NRG3: variants seen among roughly 807,000 people sequenced by gnomAD.
NRG3 encodes pro-neuregulin-3, membrane-bound isoform.
NRG3 carries 31 observed loss-of-function variants against 66.9 expected under a neutral mutation model. The ratio of observed to expected loss-of-function variants is 0.46; its 90% confidence interval spans 0.35 to 0.63. The LOEUF (loss-of-function observed/expected upper bound fraction) is 0.63, where lower values mean the gene tolerates loss of function less well. Among genes scored for constraint, NRG3 ranks in the 20% least tolerant of loss-of-function variants. NRG3 has a pLI of 0.00. For synonymous variants in NRG3, 393 were observed against 359.4 expected (o/e 1.09, Z -1.06); for missense variants, 910 against 878.9 (o/e 1.04, Z -0.45).
chr10:82,517,440 A>G (rs1202068282), intron 2 of NRG3, among the ~76,000 whole-genome samples: 3 of 152,154 alleles, frequency 2.0e-5, no homozygotes, highest in African/African-American at 7.2e-5. Flanking sequence ...TGTCCAAAGG[A>G]TGTTGCCTTA....
chr10:82,938,444 C>T (rs573722242), intron 4 of NRG3, among the ~76,000 whole-genome samples: 12 of 152,332 alleles, frequency 7.9e-5, no homozygotes, highest in Middle Eastern at 3.4e-3. Context: ...CCACCTGACT[C>T]GAGACAGCTC....
chr10:81,925,001 T>C (rs1846633247), intron 1 of NRG3, among the ~76,000 whole-genome samples: 1 of 152,192 alleles, frequency 6.6e-6, no homozygotes, highest in Admixed American at 6.5e-5. Context: ...TTCCTTTCAG[T>C]CCTATGCTCT....
At chr10:82,307,954 G>A (rs1463137636) in intron 1 of NRG3, among the ~76,000 whole-genome samples, 1 of 151,700 alleles carries the variant, frequency 6.6e-6, no homozygotes, top group East Asian at 1.9e-4. Context: ...TAAACATTTG[G>A]ATACTTTTGC....
chr10:82,474,476 A>C (rs1429738196), intron 2 of NRG3, among the ~76,000 whole-genome samples: 14 of 152,196 alleles, frequency 9.2e-5, no homozygotes, highest in African/African-American at 2.4e-5. Context: ...ACAACTGAAA[A>C]TTTCACTAGA....
chr10:82,519,664 T>C (rs532288012), intron 2 of NRG3, among the ~76,000 whole-genome samples: 1 of 152,314 alleles, frequency 6.6e-6, no homozygotes, highest in African/African-American at 2.4e-5. Context: ...CAAAAGGACC[T>C]TGCTTAACAC....
At chr10:82,094,411 A>G (rs1471798739) in intron 1 of NRG3, among the ~76,000 whole-genome samples, 1 of 152,204 alleles carries the variant, frequency 6.6e-6, no homozygotes, top group East Asian at 1.9e-4. Context: ...AATTAGCACA[A>G]TCTCTATGGT....
intron 4 of NRG3, among the ~76,000 whole-genome samples, chr10:82,877,100 C>T (rs1322116246): frequency 2.0e-5 from 3 of 151,714 alleles, no homozygotes; most frequent in Non-Finnish European, 2.9e-5. Context: ...ATATCCAATT[C>T]TGCCTTACAG....
At chr10:82,691,056 C>A (rs1429278574) in intron 2 of NRG3, among the ~76,000 whole-genome samples, 1 of 152,026 alleles carries the variant, frequency 6.6e-6, no homozygotes, top group South Asian at 2.1e-4. Context: ...CCCTCTTCTT[C>A]CCTCATCTGG....
chr10:82,894,437 T>G (rs1843454932), intron 4 of NRG3, among the ~76,000 whole-genome samples: 1 of 152,174 alleles, frequency 6.6e-6, no homozygotes, highest in Non-Finnish European at 1.5e-5. Flanking sequence ...AGGGTAAGAT[T>G]TAAGCTGCTC....
intron 1 of NRG3, among the ~76,000 whole-genome samples, chr10:82,345,903 T>C (rs1300011190): frequency 1.3e-5 from 2 of 152,030 alleles, no homozygotes; most frequent in African/African-American, 2.4e-5. Flanking sequence ...GTGATTTTTG[T>C]ACATTGATTT....
chr10:82,873,240 T>C (rs995539824), intron 4 of NRG3, among the ~76,000 whole-genome samples: 1 of 152,160 alleles, frequency 6.6e-6, no homozygotes, highest in East Asian at 1.9e-4. Flanking sequence ...AATTTGGAAA[T>C]GCACACAGAA....
chr10:82,030,361 A>G (rs1451966431), intron 1 of NRG3, among the ~76,000 whole-genome samples: 1 of 152,148 alleles, frequency 6.6e-6, no homozygotes, highest in Non-Finnish European at 1.5e-5. Context: ...GGTGGAAGTA[A>G]GGAGAGAATT....
chr10:82,786,890 C>T (rs142370246), intron 3 of NRG3, among the ~76,000 whole-genome samples: 39 of 152,234 alleles, frequency 2.6e-4, no homozygotes, highest in Non-Finnish European at 5.1e-4. Context: ...CTCTGTCTCT[C>T]ATGTTTGTGC....
rs372209169 is a variant in NRG3, at chr10:81,875,825, C to G, written c.485C>G (p.Thr162Arg). The G allele has an allele frequency of 1.2e-6, 2 of 1,608,948 alleles. No homozygotes were observed. The highest frequency in any genetic ancestry group is 1.7e-6 in the Non-Finnish European group (2 of 1,179,726). Reference protein sequence around the residue: ...NRISTRLTTITRAPTRFPGHR... With the variant: ...NRISTRLTTIRRAPTRFPGHR... ...ATTAGCACTCGCCTGACCACCATCA[C>G]GCGGGCGCCCACTCGCTTCCCCGGG... Residue 162 changes from threonine to arginine, a missense_variant, in exon 1 of 9, where the codon ACG becomes AGG. Coordinates refer to ENST00000372141, the MANE Select transcript of NRG3 (RefSeq NM_001010848.4). This position sits in a 1 kb window ranked among gnomAD's most constrained non-coding sequence, Gnocchi z 5.3.
intron 1 of NRG3, among the ~76,000 whole-genome samples, chr10:82,107,615 G>A (rs2067146141): frequency 6.6e-6 from 1 of 152,204 alleles, no homozygotes; most frequent in African/African-American, 2.4e-5. Context: ...CACAGCTTGA[G>A]GAAGTTGCAT....
At chr10:82,264,321 C>T (rs1400793131) in intron 1 of NRG3, among the ~76,000 whole-genome samples, 1 of 152,132 alleles carries the variant, frequency 6.6e-6, no homozygotes, top group African/African-American at 2.4e-5. Flanking sequence ...AGAATGAGTG[C>T]TGAGCAAGGG....
chr10:82,691,990 G>T (rs751840511), intron 2 of NRG3, among the ~76,000 whole-genome samples: 1 of 152,132 alleles, frequency 6.6e-6, no homozygotes, highest in African/African-American at 2.4e-5. Flanking sequence ...CAGGATAAAA[G>T]GTAACAATTG....
At chr10:82,399,548 G>A (rs550188931) in intron 2 of NRG3, among the ~76,000 whole-genome samples, 24 of 152,282 alleles carry the variant, frequency 1.6e-4, no homozygotes, top group African/African-American at 5.8e-4. Flanking sequence ...TACATGGCCT[G>A]GTTCTGGTGA....
chr10:82,808,109 G>A (rs2135483549), intron 3 of NRG3, among the ~76,000 whole-genome samples: 2 of 151,732 alleles, frequency 1.3e-5, no homozygotes, highest in South Asian at 2.1e-4. Flanking sequence ...TTAATTCGTA[G>A]GTTCTTCACT....
Sources: gnomAD v4.1 joint callset for allele counts (sites outside exome capture counted in the v4.1 genomes callset) on GRCh38, gnomAD v4.1.1 for gene constraint, Gnocchi (gnomAD v3.1) non-coding constraint, MANE v1.5 for transcripts, NCBI Gene and HGNC (gene_info 2026-07-23, HGNC 2026-07-21) for gene names.